The following PCDHGB4 variants were observed in gnomAD, a reference collection of about 807,000 sequenced individuals.
The protein encoded by PCDHGB4 is protocadherin gamma subfamily B, 4, also known as protocadherin gamma-B4.
PCDHGB4 carries 38 observed loss-of-function variants against 60.5 expected under a neutral mutation model. That is an observed-to-expected ratio of 0.63 (90% CI 0.48 to 0.82). The LOEUF (loss-of-function observed/expected upper bound fraction) is 0.82, where lower values mean the gene tolerates loss of function less well. PCDHGB4 is among the 40% of genes least tolerant of loss of function. The pLI, the probability that PCDHGB4 is intolerant of heterozygous loss-of-function variation, is 0.00. For synonymous variants in PCDHGB4, 456 were observed against 509.7 expected, an observed-to-expected ratio of 0.89 and a Z score of 1.42; for missense variants, 1,109 against 1,209.6, an observed-to-expected ratio of 0.92 and a Z score of 1.23.
At chr5:141,419,359 G>C (rs1257423360) in intron 1 of PCDHGB4, 1 of 1,613,796 alleles carries the variant, frequency 6.2e-7, no homozygotes. Flanking sequence ...AGTCACGAAC[G>C]CTGTCGTCCT....
chr5:141,488,502 C>T (rs989368385), intron 1 of PCDHGB4, among the ~76,000 whole-genome samples: 2 of 152,146 alleles, frequency 1.3e-5, no homozygotes, highest in Non-Finnish European at 2.9e-5. Context: ...ACACTCATTC[C>T]ACATTTGGGG....
chr5:141,452,165 C>T (rs917431071), intron 1 of PCDHGB4, among the ~76,000 whole-genome samples: 2 of 152,120 alleles, frequency 1.3e-5, no homozygotes, highest in African/African-American at 4.8e-5. Flanking sequence ...TATTCTATTA[C>T]TAACATTTTT....
In PCDHGB4 at chr5:141,485,972, T is replaced by G; in HGVS notation, c.2398-8835T>G. ...CATGGTGCTCATCCAGCTCAATGCC[T>G]CAGACCCGGACCTGGGTCCCAGTGG... On this transcript the variant is annotated intron_variant, in intron 1 of 3. Transcript: ENST00000519479. The surrounding 1 kb of genome is among the most constrained non-coding windows in gnomAD (Gnocchi z 5.7). 1 of 1,614,184 alleles carries G rather than the reference T, an allele frequency of 6.2e-7. No individual in the cohort carries two copies. Among genetic ancestry groups the G allele is most frequent in the Non-Finnish European group, 8.5e-7 (1 of 1,180,022 alleles).
intron 2 of PCDHGB4, among the ~76,000 whole-genome samples, chr5:141,500,176 A>G (rs922155744): frequency 1.4e-5 from 2 of 145,916 alleles, no homozygotes; most frequent in Admixed American, 1.4e-4. Flanking sequence ...CATGAGCTTC[A>G]TTTTTATTTT....
At chr5:141,441,527 A>G (rs2098252922) in intron 1 of PCDHGB4, 2 of 173,076 alleles carry the variant, frequency 1.2e-5, no homozygotes, top group African/African-American at 2.4e-5. Flanking sequence ...GTGGCCAAGA[A>G]CAATCTTCCC....
intron 2 of PCDHGB4, among the ~76,000 whole-genome samples, chr5:141,504,722 C>T (rs747319660): frequency 1.3e-5 from 2 of 151,828 alleles, no homozygotes; most frequent in Non-Finnish European, 2.9e-5. Context: ...GGATTTTACT[C>T]TGAGGGCTTA....
intron 1 of PCDHGB4, chr5:141,430,688 A>G: frequency 1.4e-6 from 2 of 1,402,360 alleles, no homozygotes; most frequent in Non-Finnish European, 1.9e-6. Context: ...GTCCCATTCT[A>G]TGGGCGAAGG....
In PCDHGB4 at chr5:141,404,595, T is replaced by C. The variant is rs1035989165; in HGVS notation, c.2397+14314T>C. On this transcript the variant is annotated intron_variant, in intron 1 of 3. Transcript: ENST00000519479. ...CCACCACTTAGCAGCAATGTGTCAT[T>C]GAGACTGTTTGTTTTGGACCAGAAT... is the stretch of plus-strand genomic sequence containing the variant. 44 of 1,613,678 alleles carry C rather than the reference T, an allele frequency of 2.7e-5. No homozygotes were observed. Among genetic ancestry groups the C allele is most frequent in the Non-Finnish European group, 3.6e-5 (43 of 1,179,690 alleles).
chr5:141,500,232 G>A (rs1024752888), intron 2 of PCDHGB4, among the ~76,000 whole-genome samples: 1 of 137,690 alleles, frequency 7.3e-6, no homozygotes, highest in South Asian at 2.3e-4. Flanking sequence ...TTATTGATAC[G>A]TAGCCTTGCT....
chr5:141,477,379 A>C lies in PCDHGB4; in HGVS notation c.2398-17428A>C, dbSNP rs1293075706. The stretch of plus-strand genomic sequence containing the variant: ...CAGACCTGGATCGGGAGACTGTGCC[A>C]GAATACAACCTCAGCATCACCGCCC... On this transcript the variant is annotated intron_variant, in intron 1 of 3. Transcript: ENST00000519479. This position sits in a 1 kb window ranked among gnomAD's most constrained non-coding sequence, Gnocchi z 4.9. 2 of 1,614,184 alleles carry C rather than the reference A, an allele frequency of 1.2e-6. No homozygotes were observed. Among genetic ancestry groups the C allele is most frequent in the Non-Finnish European group, 1.7e-6 (2 of 1,180,034 alleles).
chr5:141,419,148 C>G, intron 1 of PCDHGB4: 1 of 1,613,940 alleles, frequency 6.2e-7, no homozygotes. Flanking sequence ...AGGGGCAAGC[C>G]TCCGTTATCC....
At chr5:141,406,859 TC>T (rs1171504234) in intron 1 of PCDHGB4, among the ~76,000 whole-genome samples, 1 of 152,252 alleles carries the variant, frequency 6.6e-6, no homozygotes, top group African/African-American at 2.4e-5. Flanking sequence ...AAGAAAATAT[TC>T]TCAGGAACTG....
In PCDHGB4 at chr5:141,432,627, C is replaced by G. The variant is rs886117102; in HGVS notation, c.2397+42346C>G. On this transcript the variant is annotated intron_variant, in intron 1 of 3. Transcript: ENST00000519479. This position sits in a 1 kb window ranked among gnomAD's most constrained non-coding sequence, Gnocchi z 6.0. The stretch of plus-strand genomic sequence containing the variant: ...GGACTCTTCTCGGTGGGTCTGCACA[C>G]GGGCGAGGTGCGCACGGCGCGAGCC... The G allele has an allele frequency of 1.2e-6, 2 of 1,613,652 alleles. No individual in the cohort carries two copies. The highest frequency in any genetic ancestry group is 2.7e-5 in the African/African-American group (2 of 74,886).
chr5:141,393,194 C>T (rs770162660), intron 1 of PCDHGB4: 4 of 1,613,360 alleles, frequency 2.5e-6, no homozygotes, highest in Non-Finnish European at 2.5e-6. Flanking sequence ...TTGATATTAA[C>T]GATAATAACC....
intron 1 of PCDHGB4, chr5:141,426,791 C>T (rs2096960403): frequency 2.2e-6 from 1 of 456,574 alleles, no homozygotes; most frequent in Non-Finnish European, 4.4e-6. Context: ...TCCAGAGTTA[C>T]CAGCTCAGTT....
chr5:141,450,489 CTGTT>C (rs1372781820), intron 1 of PCDHGB4, among the ~76,000 whole-genome samples: 4 of 150,280 alleles, frequency 2.7e-5, no homozygotes, highest in Non-Finnish European at 2.9e-5. Context: ...GTTTGTTTGT[CTGTT>C]TGTTTGTTTT....
At chr5:141,434,240 T>A (rs979144259) in intron 1 of PCDHGB4, among the ~76,000 whole-genome samples, 1 of 152,336 alleles carries the variant, frequency 6.6e-6, no homozygotes, top group East Asian at 1.9e-4. Flanking sequence ...CTGGACTAGA[T>A]GACTTGGGCA....
intron 1 of PCDHGB4, chr5:141,419,306 C>A: frequency 1.9e-6 from 3 of 1,614,032 alleles, no homozygotes; most frequent in Non-Finnish European, 2.5e-6. Context: ...AGACTTCGGG[C>A]TCAACGGCCG....
chr5:141,423,456 C>T, intron 1 of PCDHGB4: 1 of 1,613,924 alleles, frequency 6.2e-7, no homozygotes, highest in Non-Finnish European at 8.5e-7. Context: ...ATTTTGTAGG[C>T]GTGGACGGGG....
Sources: allele counts gnomAD v4.1 joint callset (sites outside exome capture counted in the v4.1 genomes callset), GRCh38; gene constraint gnomAD v4.1.1; non-coding constraint Gnocchi (gnomAD v3.1); transcripts MANE v1.5; gene names NCBI Gene and HGNC (gene_info 2026-07-23, HGNC 2026-07-21).